Variants in PARN observed in about 807,000 individuals in gnomAD.
PARN encodes poly(A)-specific ribonuclease PARN.
A neutral mutation model predicts 102.8 loss-of-function variants in PARN; 71 were observed. That is an observed-to-expected ratio of 0.69 (90% CI 0.57 to 0.84). The LOEUF (loss-of-function observed/expected upper bound fraction) is 0.84. Among genes scored for constraint, PARN ranks in the 40% least tolerant of loss-of-function variants. PARN has a pLI of 0.00. For missense variants in PARN, 782 were observed against 760.9 expected, an observed-to-expected ratio of 1.03 and a Z score of -0.33; for synonymous variants, 261 against 252.9, an observed-to-expected ratio of 1.03 and a Z score of -0.30.
Position 14,584,383 on chromosome 16 carries a change from G to T in PARN, c.1045C>A (p.Arg349=). The T allele has an allele frequency of 6.2e-7, 1 of 1,613,028 alleles. No homozygotes were observed. Among genetic ancestry groups the T allele is most frequent in the South Asian group, 1.1e-5 (1 of 91,060 alleles). ...NNTSLAELEK[R]LKETPFNPPK... is the part of the protein sequence containing the mutation. Reference sequence around the variant, plus strand: ...GGGTTGAAAGGTGTCTCTTTTAACCGCTTTTCCAATTCCGCAAGGGATGTG... The same window carrying T: ...GGGTTGAAAGGTGTCTCTTTTAACCTCTTTTCCAATTCCGCAAGGGATGTG... The change falls in exon 16 of 24, where the codon CGG becomes AGG. Residue 349 remains arginine (R), a synonymous_variant. Coordinates refer to ENST00000437198, the MANE Select transcript of PARN (RefSeq NM_002582.4).
intron 21 of PARN, among the ~76,000 whole-genome samples, chr16:14,494,231 G>C (rs1964197102): frequency 6.6e-6 from 1 of 152,130 alleles, no homozygotes; most frequent in Non-Finnish European, 1.5e-5. Context: ...AATCTCACTT[G>C]TTCATTTATT....
chr16:14,490,179 A>AAT (rs1355844501), intron 21 of PARN, among the ~76,000 whole-genome samples: 1 of 152,338 alleles, frequency 6.6e-6, no homozygotes, highest in Non-Finnish European at 1.5e-5. Flanking sequence ...TAAATAAATA[A>AAT]AAATAAAACA....
At chr16:14,448,252 G>A (rs761701192) in intron 22 of PARN, among the ~76,000 whole-genome samples, 4 of 152,060 alleles carry the variant, frequency 2.6e-5, no homozygotes, top group East Asian at 1.9e-4. Context: ...GGGTTCAAGC[G>A]ATTCTCCTGC....
intron 18 of PARN, among the ~76,000 whole-genome samples, chr16:14,562,961 C>T (rs1968167154): frequency 6.6e-6 from 1 of 152,172 alleles, no homozygotes; most frequent in African/African-American, 2.4e-5. Flanking sequence ...CCTAGTAGTC[C>T]GGTGAATATT....
At chr16:14,626,403 C>T (rs1972665292) in intron 5 of PARN, among the ~76,000 whole-genome samples, 1 of 152,126 alleles carries the variant, frequency 6.6e-6, no homozygotes, top group Admixed American at 6.6e-5. Context: ...CCCGTCTTGG[C>T]CTCCAAAACT....
At chr16:14,502,077 T>C (rs1282767619) in intron 21 of PARN, among the ~76,000 whole-genome samples, 1 of 152,160 alleles carries the variant, frequency 6.6e-6, no homozygotes, top group Non-Finnish European at 1.5e-5. Context: ...CACTCTGGGG[T>C]AGACAGCTCT....
At chr16:14,442,059 C>T (rs546681510) in intron 23 of PARN, among the ~76,000 whole-genome samples, 1 of 152,098 alleles carries the variant, frequency 6.6e-6, no homozygotes, top group African/African-American at 2.4e-5. Context: ...AAAAAATAAC[C>T]GGGAATAGTC....
At position 14,563,518 on chromosome 16, in the gene PARN, G is replaced by GTA. The variant is rs1191306219; in HGVS notation, c.1263-7810_1263-7809insTA. 3.1e-3 allele frequency among the ~76,000 whole-genome samples: 212 copies of GTA among 68,082 alleles called. 2 individuals carry two copies. Among genetic ancestry groups the GTA allele is most frequent in the African/African-American group, 0.011 (181 of 16,002 alleles). The allele number at this position is 68,082 out of a possible 152,430, so 44.7% of individuals were successfully genotyped here. A position where few individuals can be genotyped will look rare whatever the true frequency, so the allele number is the denominator to read the frequency against. On this transcript the variant is annotated intron_variant, in intron 18 of 23. Transcript: ENST00000437198. ...TGTGTGTGTGTGTGTGTGTGTGTGT[G>GTA]TGTGTATATAATTCTTTTAAGTTCT... is the stretch of plus-strand genomic sequence containing the variant.
intron 18 of PARN, among the ~76,000 whole-genome samples, chr16:14,568,805 G>T (rs1026351139): frequency 2.0e-5 from 3 of 151,980 alleles, no homozygotes; most frequent in African/African-American, 7.3e-5. Context: ...TGAGAAAGGG[G>T]AATCGCTTGA....
At chr16:14,541,721 C>G (rs532789986) in intron 21 of PARN, among the ~76,000 whole-genome samples, 8 of 152,218 alleles carry the variant, frequency 5.3e-5, no homozygotes, top group African/African-American at 1.9e-4. Context: ...AAGTGATCCA[C>G]CCACCTCAGC....
intron 9 of PARN, among the ~76,000 whole-genome samples, chr16:14,606,995 A>G (rs920321343): frequency 6.6e-6 from 1 of 151,688 alleles, no homozygotes; most frequent in African/African-American, 2.4e-5. Flanking sequence ...GTTAGCCAGG[A>G]TGGTCTCGAT....
intron 18 of PARN, among the ~76,000 whole-genome samples, chr16:14,565,921 C>T (rs754752292): frequency 1.1e-4 from 16 of 152,180 alleles, no homozygotes; most frequent in Non-Finnish European, 2.1e-4. Flanking sequence ...GGTGTTCAAT[C>T]GATAAGCTAT....
At chr16:14,527,582 C>A (rs1966074809) in intron 21 of PARN, among the ~76,000 whole-genome samples, 1 of 152,180 alleles carries the variant, frequency 6.6e-6, no homozygotes, top group Admixed American at 6.5e-5. Flanking sequence ...TGTTCATCAA[C>A]CGATCAATAT....
chr16:14,613,670 G>C (rs1047461098), intron 6 of PARN, among the ~76,000 whole-genome samples: 6 of 152,114 alleles, frequency 3.9e-5, no homozygotes, highest in Non-Finnish European at 7.4e-5. Flanking sequence ...TTTGTAGAAA[G>C]AACAATGAAC....
At chr16:14,576,247 T>A (rs1034391100) in intron 18 of PARN, 1 of 152,214 alleles carries the variant, frequency 6.6e-6, no homozygotes, top group Non-Finnish European at 1.5e-5. Flanking sequence ...GCAGTGTCAT[T>A]CCAGGAAGGC....
At chr16:14,468,869 C>A (rs1596465279) in intron 22 of PARN, among the ~76,000 whole-genome samples, 1 of 123,642 alleles carries the variant, frequency 8.1e-6, no homozygotes, top group African/African-American at 3.2e-5. Context: ...CAGCAAGATC[C>A]CATTACTAAA....
chr16:14,479,120 T>C (rs531868108), intron 22 of PARN, among the ~76,000 whole-genome samples: 1 of 152,280 alleles, frequency 6.6e-6, no homozygotes, highest in African/African-American at 2.4e-5. Flanking sequence ...GAAAATGACA[T>C]TTAAGAAACA....
intron 21 of PARN, among the ~76,000 whole-genome samples, chr16:14,484,362 C>T (rs1456065562): frequency 6.6e-6 from 1 of 152,198 alleles, no homozygotes; most frequent in Non-Finnish European, 1.5e-5. Context: ...CCAGTTTAGG[C>T]ATATGCGTTC....
At chr16:14,532,560 C>T (rs995731619) in intron 21 of PARN, among the ~76,000 whole-genome samples, 2 of 152,136 alleles carry the variant, frequency 1.3e-5, no homozygotes, top group Non-Finnish European at 2.9e-5. Flanking sequence ...TCTCCCATGT[C>T]TACCTCTCTC....
Sources: gnomAD v4.1 joint callset for allele counts (sites outside exome capture counted in the v4.1 genomes callset) on GRCh38, gnomAD v4.1.1 for gene constraint, MANE v1.5 for transcripts, NCBI Gene and HGNC (gene_info 2026-07-23, HGNC 2026-07-21) for gene names.